Variants in TENM2 observed in about 807,000 individuals in gnomAD.
The protein encoded by TENM2 is teneurin transmembrane protein 2.
TENM2 carries 52 observed loss-of-function variants against 245.2 expected under a neutral mutation model. The observed-to-expected ratio is 0.21, with a 90% CI of 0.17 to 0.27. The LOEUF (loss-of-function observed/expected upper bound fraction) is 0.27, where lower values mean the gene tolerates loss of function less well. TENM2 is among the 10% of genes least tolerant of loss of function. TENM2 has a pLI of 1.00. For missense variants in TENM2, 3,046 were observed against 3,666.8 expected, an observed-to-expected ratio of 0.83 and a Z score of 4.37; for synonymous variants, 1,363 against 1,438.9, an observed-to-expected ratio of 0.95 and a Z score of 1.19.
intron 2 of TENM2, among the ~76,000 whole-genome samples, chr5:167,431,565 C>T (rs1049727156): frequency 2.0e-5 from 3 of 152,046 alleles, no homozygotes; most frequent in African/African-American, 4.8e-5. Context: ...TTATATCTCT[C>T]CTTTCTCTTT....
At chr5:168,049,696 C>T (rs1465745634) in intron 6 of TENM2, among the ~76,000 whole-genome samples, 1 of 152,198 alleles carries the variant, frequency 6.6e-6, no homozygotes, top group African/African-American at 2.4e-5. Flanking sequence ...AATTTTTCCC[C>T]TCCTGTGCAA....
chr5:167,389,440 T>C (rs904030136), intron 2 of TENM2, among the ~76,000 whole-genome samples: 2 of 151,998 alleles, frequency 1.3e-5, no homozygotes, highest in African/African-American at 4.8e-5. Context: ...ATGCCCTATA[T>C]AGCATTATTT....
chr5:167,772,824 G>C (rs1405939764), intron 2 of TENM2, among the ~76,000 whole-genome samples: 1 of 152,024 alleles, frequency 6.6e-6, no homozygotes, highest in African/African-American at 2.4e-5. Flanking sequence ...ACTACTGACA[G>C]GTCTTTTATT....
intron 25 of TENM2, chr5:168,230,847 A>G (rs1213470963): frequency 6.6e-6 from 1 of 152,270 alleles, no homozygotes; most frequent in African/African-American, 2.4e-5. Context: ...GATGTAAGCT[A>G]TAATACAGGC....
chr5:168,200,035 A>G (rs754403236), exon 17 of TENM2: 10 of 1,613,922 alleles, frequency 6.2e-6, no homozygotes, highest in Non-Finnish European at 8.5e-6. Flanking sequence ...TCTCTTCCAG[A>G]AGTCATTCCA....
At chr5:167,196,359 C>T in the TENM2 span, among the ~76,000 whole-genome samples, 1 of 151,668 alleles carries the variant, frequency 6.6e-6, no homozygotes, top group Non-Finnish European at 1.5e-5. Flanking sequence ...TTGTATTAAC[C>T]TTCTATCATA....
the TENM2 span, among the ~76,000 whole-genome samples, chr5:167,225,627 AT>A: frequency 4.0e-5 from 6 of 151,572 alleles, no homozygotes; most frequent in Non-Finnish European, 5.9e-5. Flanking sequence ...TGTAGTTTTT[AT>A]TTTTTGTTAT....
intron 2 of TENM2, among the ~76,000 whole-genome samples, chr5:167,603,456 G>A (rs1041251962): frequency 6.6e-6 from 1 of 152,174 alleles, no homozygotes; most frequent in Admixed American, 6.5e-5. Flanking sequence ...GCCGAGGTGG[G>A]TGCATCATTT....
At chr5:167,945,705 T>C (rs565801110) in intron 3 of TENM2, among the ~76,000 whole-genome samples, 39 of 152,354 alleles carry the variant, frequency 2.6e-4, no homozygotes, top group Non-Finnish European at 2.2e-4. Flanking sequence ...GGAATGTTTT[T>C]CTCTGAGGTC....
chr5:167,030,219 C>G, the TENM2 span, among the ~76,000 whole-genome samples: 2 of 152,178 alleles, frequency 1.3e-5, no homozygotes, highest in African/African-American at 4.8e-5. Context: ...CACACTTCTC[C>G]TTAGGCAACA....
intron 3 of TENM2, among the ~76,000 whole-genome samples, chr5:167,952,100 C>T (rs552598674): frequency 8.5e-5 from 13 of 152,302 alleles, no homozygotes; most frequent in South Asian, 2.1e-4. Flanking sequence ...TTAGCTAGCC[C>T]ACTCCACCTT....
chr5:167,145,312 A>G, the TENM2 span, among the ~76,000 whole-genome samples: 2 of 152,190 alleles, frequency 1.3e-5, no homozygotes, highest in Non-Finnish European at 2.9e-5. Context: ...TAACTTTGCC[A>G]GTTATCAGCC....
chr5:167,881,843 C>T (rs766183900), intron 3 of TENM2, among the ~76,000 whole-genome samples: 2 of 152,182 alleles, frequency 1.3e-5, no homozygotes, highest in African/African-American at 2.4e-5. Flanking sequence ...GCTATCAGCT[C>T]ATGGCCCTTT....
chr5:168,175,855 G>A (rs1011348706), intron 13 of TENM2, among the ~76,000 whole-genome samples: 1 of 152,198 alleles, frequency 6.6e-6, no homozygotes, highest in African/African-American at 2.4e-5. Context: ...CTCAGGGAGT[G>A]TAGAACCAGG....
intron 2 of TENM2, among the ~76,000 whole-genome samples, chr5:167,383,066 G>A (rs1056794210): frequency 1.3e-5 from 2 of 152,082 alleles, no homozygotes; most frequent in Non-Finnish European, 2.9e-5. Context: ...TAATTGCTCT[G>A]CATTGGACGA....
At chr5:168,091,284 C>T (rs1792918153) in intron 8 of TENM2, among the ~76,000 whole-genome samples, 1 of 152,100 alleles carries the variant, frequency 6.6e-6, no homozygotes, top group Non-Finnish European at 1.5e-5. Flanking sequence ...ATTATATAGA[C>T]ATTTAAAAAT....
At chr5:167,308,230 G>A (rs1474820656) in intron 1 of TENM2, among the ~76,000 whole-genome samples, 1 of 152,046 alleles carries the variant, frequency 6.6e-6, no homozygotes. Context: ...TTTGAAGCAG[G>A]ATGACCTAAC....
chr5:168,070,867 G>A (rs922433396), intron 7 of TENM2, among the ~76,000 whole-genome samples: 10 of 150,166 alleles, frequency 6.7e-5, no homozygotes, highest in African/African-American at 1.7e-4. Flanking sequence ...AGGAAGGACG[G>A]GAGGGAAGAA....
At chr5:167,101,940 T>TA in the TENM2 span, among the ~76,000 whole-genome samples, 1,518 of 112,396 alleles carry the variant, frequency 0.014, 68 homozygotes, top group East Asian at 0.16. Flanking sequence ...ATATATATAT[T>TA]TTTTTTTTTT....
Sources: gnomAD v4.1 joint callset for allele counts (sites outside exome capture counted in the v4.1 genomes callset) on GRCh38, gnomAD v4.1.1 for gene constraint, MANE v1.5 for transcripts, NCBI Gene and HGNC (gene_info 2026-07-23, HGNC 2026-07-21) for gene names.